The following KAZN variants were observed in gnomAD, a reference collection of about 807,000 sequenced individuals.
KAZN encodes the protein kazrin, periplakin interacting protein.
Under a neutral mutation model 87.4 loss-of-function variants are expected in KAZN, and 40 were observed. The observed-to-expected ratio is 0.46, with a 90% CI of 0.36 to 0.60. KAZN has a LOEUF of 0.60. Among genes scored for constraint, KAZN ranks in the 20% least tolerant of loss-of-function variants. The pLI, the probability that KAZN is intolerant of heterozygous loss-of-function variation, is 0.00. For missense variants in KAZN, 898 were observed against 1,073.9 expected (o/e 0.84, Z 2.29); for synonymous variants, 466 against 458.3 (o/e 1.02, Z -0.22).
intron 1 of KAZN, among the ~76,000 whole-genome samples, chr1:14,859,816 C>T (rs969666252): frequency 6.6e-6 from 1 of 152,154 alleles, no homozygotes; most frequent in African/African-American, 2.4e-5. Context: ...CCACTATTTC[C>T]CCTTAGCGCT....
intron 2 of KAZN, among the ~76,000 whole-genome samples, chr1:14,213,772 G>T (rs1248707305): frequency 2.6e-5 from 4 of 152,328 alleles, no homozygotes; most frequent in Admixed American, 2.0e-4. Context: ...GAGCAGGGAA[G>T]ATTAGAAGCA....
intron 2 of KAZN, among the ~76,000 whole-genome samples, chr1:14,525,368 G>A (rs778457545): frequency 3.3e-5 from 5 of 152,214 alleles, no homozygotes; most frequent in Non-Finnish European, 5.9e-5. Flanking sequence ...GCCAGTTACT[G>A]TGTGAGGCTT....
chr1:14,765,420 G>A (rs1217994580), intron 1 of KAZN, among the ~76,000 whole-genome samples: 1 of 152,212 alleles, frequency 6.6e-6, no homozygotes, highest in Non-Finnish European at 1.5e-5. Flanking sequence ...CTCTGGGGAA[G>A]GTATAGCCCA....
intron 2 of KAZN, among the ~76,000 whole-genome samples, chr1:14,452,621 G>A (rs1667337808): frequency 6.6e-6 from 1 of 151,998 alleles, no homozygotes; most frequent in Non-Finnish European, 1.5e-5. Context: ...CTGTGGAATT[G>A]GCATACAGGG....
chr1:14,368,401 C>T (rs997894146), intron 2 of KAZN, among the ~76,000 whole-genome samples: 5 of 152,198 alleles, frequency 3.3e-5, no homozygotes, highest in Non-Finnish European at 7.3e-5. Flanking sequence ...TGTTTGTTGT[C>T]AGAGTGTTTA....
At chr1:14,058,981 G>T (rs1642684641) in intron 1 of KAZN, among the ~76,000 whole-genome samples, 1 of 152,152 alleles carries the variant, frequency 6.6e-6, no homozygotes, top group South Asian at 2.1e-4. Flanking sequence ...TTGCTATGAT[G>T]CTACCTCAGA....
chr1:14,334,073 A>C (rs1657043192), intron 2 of KAZN, among the ~76,000 whole-genome samples: 1 of 151,438 alleles, frequency 6.6e-6, no homozygotes, highest in Admixed American at 6.6e-5. Context: ...AGGAAATGGG[A>C]AGTCGGCCAG....
intron 1 of KAZN, among the ~76,000 whole-genome samples, chr1:14,725,988 CTG>C (rs967960396): frequency 6.6e-6 from 1 of 152,214 alleles, no homozygotes; most frequent in Non-Finnish European, 1.5e-5. Context: ...GCACTAAACA[CTG>C]TTATCTCTTG....
chr1:14,530,723 T>A (rs1672161865), intron 2 of KAZN, among the ~76,000 whole-genome samples: 1 of 152,180 alleles, frequency 6.6e-6, no homozygotes, highest in Admixed American at 6.5e-5. Context: ...CAGAAGCAGA[T>A]GTCATCACCA....
At chr1:14,791,844 C>T (rs1645684558) in intron 1 of KAZN, among the ~76,000 whole-genome samples, 1 of 152,228 alleles carries the variant, frequency 6.6e-6, no homozygotes, top group African/African-American at 2.4e-5. Flanking sequence ...CTTTCAGCAG[C>T]GCGTTTGATC....
chr1:14,144,282 G>A (rs1645300216), intron 1 of KAZN, among the ~76,000 whole-genome samples: 1 of 152,084 alleles, frequency 6.6e-6, no homozygotes, highest in Admixed American at 6.5e-5. Context: ...TTGTTTCCAG[G>A]ATAGCATGTC....
chr1:14,722,621 A>G (rs781223764), intron 1 of KAZN, among the ~76,000 whole-genome samples: 38 of 152,164 alleles, frequency 2.5e-4, no homozygotes, highest in Non-Finnish European at 1.5e-4. Context: ...TACTTTGTCT[A>G]TTACTTGGTA....
chr1:14,951,140 G>A (rs551818652), intron 1 of KAZN, among the ~76,000 whole-genome samples: 3 of 152,238 alleles, frequency 2.0e-5, no homozygotes, highest in South Asian at 2.1e-4. Flanking sequence ...GGGCAAAGGC[G>A]ACAAGCACAT....
chr1:14,468,106 A>C (rs1309980521), intron 2 of KAZN, among the ~76,000 whole-genome samples: 2 of 152,224 alleles, frequency 1.3e-5, no homozygotes, highest in Non-Finnish European at 2.9e-5. Flanking sequence ...GCTGGCTAAT[A>C]AACCACAAGC....
Position 15,112,503 on chromosome 1 carries a change from G to A in KAZN, c.2125G>A (p.Glu709Lys). 1.2e-6 allele frequency: 2 copies of A among 1,606,866 alleles called. No individual in the cohort carries two copies. Among genetic ancestry groups the A allele is most frequent in the Non-Finnish European group, 1.7e-6 (2 of 1,177,402 alleles). Residue 709 changes from glutamate to lysine, a missense_variant, in exon 14 of 15, where the codon GAG becomes AAG. Physicochemically the swap from Glu to Lys is moderately conservative, Grantham distance 56. Around this residue, in one of 3 missense-constraint regions of KAZN, gnomAD observed 127 missense variants for 121.5 expected, o/e 1.04. Transcript: ENST00000376030. The stretch of plus-strand genomic sequence containing the variant: ...CTCCAGCGTCACGCGGGCAGGAAAG[G>A]AGGAGAACAGCAGCGGTCTCAAGTA... ...RASSVTRAGKEENSSGLKYKA... is the reference protein window; with the variant it reads ...RASSVTRAGKKENSSGLKYKA...
chr1:15,030,329 G>T (rs1047326616), intron 2 of KAZN, among the ~76,000 whole-genome samples: 1 of 152,140 alleles, frequency 6.6e-6, no homozygotes, highest in African/African-American at 2.4e-5. Flanking sequence ...GTACAGTGGT[G>T]CAATCTCGGC....
intron 1 of KAZN, among the ~76,000 whole-genome samples, chr1:14,631,085 C>T (rs1679527276): frequency 6.6e-6 from 1 of 152,142 alleles, no homozygotes; most frequent in Non-Finnish European, 1.5e-5. Flanking sequence ...GTTCATGGAA[C>T]ATCCCCTACC....
intron 2 of KAZN, among the ~76,000 whole-genome samples, chr1:14,426,445 A>G (rs976404708): frequency 5.9e-5 from 9 of 152,184 alleles, no homozygotes; most frequent in Non-Finnish European, 1.2e-4. Context: ...TGGTTAATTC[A>G]TAACTCTATG....
intron 2 of KAZN, among the ~76,000 whole-genome samples, chr1:14,559,431 C>T (rs1674121358): frequency 6.6e-6 from 1 of 152,146 alleles, no homozygotes; most frequent in South Asian, 2.1e-4. Flanking sequence ...GGTTCTGGCA[C>T]CTCTGGGAAA....
Sources: gnomAD v4.1 joint callset for allele counts (sites outside exome capture counted in the v4.1 genomes callset) on GRCh38, gnomAD v4.1.1 for gene constraint, gnomAD v4.1.1 regional missense constraint, MANE v1.5 for transcripts, NCBI Gene and HGNC (gene_info 2026-07-23, HGNC 2026-07-21) for gene names.